The following SAP30L variants were observed in gnomAD, a reference collection of about 807,000 sequenced individuals.
The protein encoded by SAP30L is histone deacetylase complex subunit SAP30L.
In SAP30L, 10 loss-of-function variants were observed where a neutral mutation model predicts 22.3. The observed-to-expected ratio is 0.45, with a 90% CI of 0.28 to 0.76. The LOEUF (loss-of-function observed/expected upper bound fraction) is 0.76, where lower values mean the gene tolerates loss of function less well. SAP30L is among the 30% of genes least tolerant of loss of function. The probability of loss-of-function intolerance (pLI) is 0.14; values close to 1 mark genes in which losing one functional copy is unlikely to be tolerated. For missense variants in SAP30L, 206 were observed against 237.9 expected, an observed-to-expected ratio of 0.87 and a Z score of 0.88; for synonymous variants, 91 against 94.1, an observed-to-expected ratio of 0.97 and a Z score of 0.19.
chr5:154,456,124 A>G lies in SAP30L; in HGVS notation c.*96A>G. 1 of 1,336,648 alleles carries G rather than the reference A, an allele frequency of 7.5e-7. No individual in the cohort carries two copies. Among genetic ancestry groups the G allele is most frequent in the Non-Finnish European group, 1.0e-6 (1 of 1,000,016 alleles). The allele number at this position is 1,336,648 out of a possible 1,614,324, so 82.8% of individuals were successfully genotyped here. A position where few individuals can be genotyped will look rare whatever the true frequency, so the allele number is the denominator to read the frequency against. On this transcript the variant is annotated 3_prime_UTR_variant, in exon 4 of 4. Transcript: ENST00000297109. Reference sequence around the variant, plus strand: ...CATAAAGACTGTTAAATATTATTGTAAATAAAAAAGTTTGAATGATGAATA... The same window carrying G: ...CATAAAGACTGTTAAATATTATTGTGAATAAAAAAGTTTGAATGATGAATA...
Position 154,451,113 on chromosome 5 carries a change from A to T in SAP30L, c.224A>T (p.Asp75Val). The change falls in exon 2 of 4, where the codon GAT (aspartate) becomes GTT (valine). Residue 75 changes from aspartate (D) to valine (V), a missense_variant. This residue lies in a region of SAP30L where 136 missense variants were observed against 187.4 expected (regional missense o/e 0.73). Coordinates refer to ENST00000297109, the MANE Select transcript of SAP30L (RefSeq NM_024632.6). ...CAGGTAAGGCACCTATATATCTGTG[A>T]TTTTCACAAAAATTTCATCCAGAGT... ...DKSVRHLYICDFHKNFIQSVR... is the reference protein window; with the variant it reads ...DKSVRHLYICVFHKNFIQSVR... 6.2e-7 allele frequency: 1 copy of T among 1,614,112 alleles called. No individual in the cohort carries two copies. The highest frequency in any genetic ancestry group is 8.5e-7 in the Non-Finnish European group (1 of 1,180,010).
Position 154,446,778 on chromosome 5 carries a change from G to T in SAP30L, c.174G>T (p.Lys58Asn), listed in dbSNP as rs1490432533. Residue 58 changes from lysine to asparagine, a missense_variant, in exon 1 of 4, where the codon AAG becomes AAT. This residue lies in a region of SAP30L where 136 missense variants were observed against 187.4 expected (regional missense o/e 0.73). Transcript: ENST00000297109. ...SKRVQKSISQ[K>N]KLKLDIDKSV... Reference sequence around the variant, plus strand: ...GGGTCCAGAAGAGCATCTCGCAGAAGAAACTCAAGCTGGACATCGACAAGA... The same window carrying T: ...GGGTCCAGAAGAGCATCTCGCAGAATAAACTCAAGCTGGACATCGACAAGA... 1.2e-6 allele frequency: 2 copies of T among 1,604,156 alleles called. No individual in the cohort carries two copies. Among genetic ancestry groups the T allele is most frequent in the Non-Finnish European group, 1.7e-6 (2 of 1,176,932 alleles).
chr5:154,452,995 C>A (rs1757181343), intron 2 of SAP30L: 1 of 169,414 alleles, frequency 5.9e-6, no homozygotes, highest in African/African-American at 2.4e-5. Flanking sequence ...GTGATAGCTC[C>A]TTCTGTTTTT....
At position 154,446,582 on chromosome 5, in the gene SAP30L, A is replaced by C; in HGVS notation, c.-23A>C. The stretch of plus-strand genomic sequence containing the variant: ...TGGCCTACCGGGGACCCTCCCCCAG[A>C]GGGACCGGCCCGGGGCGGGGAGATG... On this transcript the variant is annotated 5_prime_UTR_variant, in exon 1 of 4. Transcript: ENST00000297109. 1 of 1,445,420 alleles carries C rather than the reference A, an allele frequency of 6.9e-7. No homozygotes were observed. Among genetic ancestry groups the C allele is most frequent in the Non-Finnish European group, 9.1e-7 (1 of 1,103,882 alleles). The allele number at this position is 1,445,420 out of a possible 1,614,324, so 89.5% of individuals were successfully genotyped here.
intron 1 of SAP30L, among the ~76,000 whole-genome samples, chr5:154,450,872 A>G (rs1757122898): frequency 6.6e-6 from 1 of 152,048 alleles, no homozygotes; most frequent in Non-Finnish European, 1.5e-5. Context: ...TTCACCATTC[A>G]CTGGAAGTTT....
chr5:154,448,273 GC>G (rs1483339519), intron 1 of SAP30L, among the ~76,000 whole-genome samples: 1 of 151,980 alleles, frequency 6.6e-6, no homozygotes, highest in Admixed American at 6.5e-5. Flanking sequence ...ACTGCGCCCA[GC>G]CCCTGTCCTT....
Position 154,457,351 on chromosome 5 carries a change from T to G in SAP30L, c.*1323T>G, listed in dbSNP as rs1003396721. The G allele has an allele frequency of 2.0e-5, 3 of 152,044 alleles. No homozygotes were observed. Among genetic ancestry groups the G allele is most frequent in the Non-Finnish European group, 4.4e-5 (3 of 67,990 alleles). 9.4% of individuals were successfully genotyped at this position (152,044 alleles called of 1,614,324 possible). ...GGTGGGAGAAAGAAAAGAAAAGAATTTGGATTCTAATTTATGACCATCTTG... is the reference window on the plus strand; with the variant it reads ...GGTGGGAGAAAGAAAAGAAAAGAATGTGGATTCTAATTTATGACCATCTTG... On this transcript the variant is annotated 3_prime_UTR_variant, in exon 4 of 4. Coordinates refer to ENST00000297109, the MANE Select transcript of SAP30L (RefSeq NM_024632.6).
Position 154,453,458 on chromosome 5 carries a change from G to A in SAP30L, c.381G>A (p.Lys127=). 1 of 1,614,130 alleles carries A rather than the reference G, an allele frequency of 6.2e-7. No individual in the cohort carries two copies. Among genetic ancestry groups the A allele is most frequent in the African/African-American group, 1.3e-5 (1 of 75,056 alleles). Residue 127 remains lysine, a synonymous_variant, in exon 3 of 4, where the codon AAG becomes AAA. Transcript: ENST00000297109. ...TACGACGTTATAAACGACACTACAA[G>A]TTGCAGACCAGACCAGGCTTCAATA... ...NTLRRYKRHY[K]LQTRPGFNKA...
intron 1 of SAP30L, among the ~76,000 whole-genome samples, chr5:154,449,523 C>T (rs1206451000): frequency 6.6e-6 from 1 of 152,216 alleles, no homozygotes; most frequent in Admixed American, 6.5e-5. Context: ...CACCTATTCT[C>T]CCTGTTCTCC....
intron 1 of SAP30L, among the ~76,000 whole-genome samples, chr5:154,447,969 C>CTTTTTTTTTTTTTTT (rs140213326): frequency 8.9e-4 from 79 of 88,378 alleles, no homozygotes; most frequent in Non-Finnish European, 1.1e-3. Context: ...TTTTCTTTTT[C>CTTTTTTTTTTTTTTT]TTTTTTTTTT....
chr5:154,459,583 C>T lies in SAP30L; in HGVS notation c.*3555C>T, dbSNP rs1309883558. 1.3e-5 allele frequency: 2 copies of T among 152,258 alleles called. No homozygotes were observed. Among genetic ancestry groups the T allele is most frequent in the East Asian group, 1.9e-4 (1 of 5,202 alleles). 9.4% of individuals were successfully genotyped at this position (152,258 alleles called of 1,614,324 possible). ...CCCTGAGTATTAGTCCACTCAGTTC[C>T]TTGTTGGAGAATGTTGAGAAAACCC... On this transcript the variant is annotated 3_prime_UTR_variant, in exon 4 of 4. Coordinates refer to ENST00000297109, the MANE Select transcript of SAP30L (RefSeq NM_024632.6).
At chr5:154,447,100 G>A (rs1419890656) in intron 1 of SAP30L, among the ~76,000 whole-genome samples, 1 of 152,262 alleles carries the variant, frequency 6.6e-6, no homozygotes, top group Non-Finnish European at 1.5e-5. Context: ...AGCAGGGAGA[G>A]GTGGGTTAGT....
In SAP30L at chr5:154,459,664, T is replaced by A. The variant is rs1757334071; in HGVS notation, c.*3636T>A. ...GGGAGAGGAGAGGGGGATGAGAAGATGTTAGCAGCCTGCTAAACCTCAGAC... is the reference window on the plus strand; with the variant it reads ...GGGAGAGGAGAGGGGGATGAGAAGAAGTTAGCAGCCTGCTAAACCTCAGAC... On this transcript the variant is annotated 3_prime_UTR_variant, in exon 4 of 4. Transcript: ENST00000297109. The A allele has an allele frequency of 6.6e-6, 1 of 152,234 alleles. No homozygotes were observed. Among genetic ancestry groups the A allele is most frequent in the South Asian group, 2.1e-4 (1 of 4,824 alleles). 9.4% of individuals were successfully genotyped at this position (152,234 alleles called of 1,614,324 possible).
In SAP30L at chr5:154,456,231, G is replaced by T. The variant is rs1757261966; in HGVS notation, c.*203G>T. The stretch of plus-strand genomic sequence containing the variant: ...AAGACTTTCTTTTACGATAACTCTG[G>T]ACTAAAAAAATCAGGATCATTAAAA... On this transcript the variant is annotated 3_prime_UTR_variant, in exon 4 of 4. Transcript: ENST00000297109. 7 of 409,728 alleles carry T rather than the reference G, an allele frequency of 1.7e-5. No homozygotes were observed. Among genetic ancestry groups the T allele is most frequent in the Non-Finnish European group, 3.0e-5 (7 of 237,046 alleles). The allele number at this position is 409,728 out of a possible 1,614,324, so 25.4% of individuals were successfully genotyped here.
At chr5:154,452,406 A>T in intron 2 of SAP30L, 2 of 896,884 alleles carry the variant, frequency 2.2e-6, no homozygotes, top group Non-Finnish European at 2.7e-6. Context: ...GTTTTGAAAA[A>T]GAATGAAGGA....
intron 1 of SAP30L, among the ~76,000 whole-genome samples, chr5:154,448,883 A>G (rs2113268873): frequency 6.6e-6 from 1 of 152,286 alleles, no homozygotes; most frequent in East Asian, 1.9e-4. Flanking sequence ...TATTTCTGAA[A>G]GGGATTCTAT....
rs1032270206 is a variant in SAP30L, at chr5:154,458,794, A to G, written c.*2766A>G. 1.3e-5 allele frequency: 2 copies of G among 152,206 alleles called. No individual in the cohort carries two copies. The highest frequency in any genetic ancestry group is 2.9e-5 in the Non-Finnish European group (2 of 68,048). The allele number at this position is 152,206 out of a possible 1,614,324, so 9.4% of individuals were successfully genotyped here. On this transcript the variant is annotated 3_prime_UTR_variant, in exon 4 of 4. Transcript: ENST00000297109. ...AACCAATGGACAAACTTCTTGCTTC[A>G]AGGAACAAACTCTTAGGTTGGCAAC...
chr5:154,452,598 C>T (rs1401395950), intron 2 of SAP30L: 3 of 462,574 alleles, frequency 6.5e-6, no homozygotes, highest in Non-Finnish European at 8.5e-6. Context: ...CCCTTCCCCT[C>T]TGTTATCCAG....
rs1237728790 is a variant in SAP30L, at chr5:154,458,934, T to G, written c.*2906T>G. The G allele has an allele frequency of 6.6e-6, 1 of 152,220 alleles. No homozygotes were observed. Among genetic ancestry groups the G allele is most frequent in the Non-Finnish European group, 1.5e-5 (1 of 68,030 alleles). 9.4% of individuals were successfully genotyped at this position (152,220 alleles called of 1,614,324 possible). On this transcript the variant is annotated 3_prime_UTR_variant, in exon 4 of 4. Transcript: ENST00000297109. ...TTACTTACATGTTACAGCTGCCAAG[T>G]TTTTAGATGTTCCTGTCATAGCTAA...
Sources: gnomAD v4.1 joint callset for allele counts (sites outside exome capture counted in the v4.1 genomes callset) on GRCh38, gnomAD v4.1.1 for gene constraint, gnomAD v4.1.1 regional missense constraint, MANE v1.5 for transcripts, NCBI Gene and HGNC (gene_info 2026-07-23, HGNC 2026-07-21) for gene names.